RGS12: variants seen among roughly 807,000 people sequenced by gnomAD.
RGS12 encodes the protein regulator of G-protein signaling 12.
A neutral mutation model predicts 120.1 loss-of-function variants in RGS12; 66 were observed. The observed-to-expected ratio is 0.55, with a 90% CI of 0.45 to 0.67. The LOEUF (loss-of-function observed/expected upper bound fraction) is 0.67. Among genes scored for constraint, RGS12 ranks in the 30% least tolerant of loss-of-function variants. The pLI is 0.00. For missense variants in RGS12, 1,859 were observed against 1,957.7 expected (o/e 0.95, Z 0.95); for synonymous variants, 827 against 804.7 (o/e 1.03, Z -0.47).
upstream of RGS12, among the ~76,000 whole-genome samples, chr4:3,292,519 G>A (rs1197917902): frequency 3.9e-5 from 6 of 152,332 alleles, no homozygotes; most frequent in East Asian, 1.2e-3. Context: ...CAGGGCGCCG[G>A]GGCCTGACTC....
At chr4:3,438,837 C>T (rs991972970) in intron 17 of RGS12, among the ~76,000 whole-genome samples, 2 of 151,982 alleles carry the variant, frequency 1.3e-5, no homozygotes, top group African/African-American at 4.8e-5. Context: ...AGAGGGGCCT[C>T]AGTAGGGGGG....
intron 2 of RGS12, among the ~76,000 whole-genome samples, chr4:3,340,784 G>GGCCAA (rs1712993988): frequency 6.6e-6 from 1 of 152,240 alleles, no homozygotes; most frequent in South Asian, 2.1e-4. Context: ...GTGCAGGCCA[G>GGCCAA]TGCAGTCCGT....
At chr4:3,326,546 G>A (rs1725567008) in intron 2 of RGS12, among the ~76,000 whole-genome samples, 2 of 152,310 alleles carry the variant, frequency 1.3e-5, no homozygotes, top group African/African-American at 2.4e-5. Context: ...CTGGCTAGAT[G>A]TGATCTTATA....
chr4:3,339,306 A>T (rs1712806671), intron 2 of RGS12, among the ~76,000 whole-genome samples: 1 of 152,118 alleles, frequency 6.6e-6, no homozygotes, highest in Admixed American at 6.5e-5. Flanking sequence ...ACATAGCAAG[A>T]CCCAGTCTCT....
chr4:3,386,381 T>C, intron 3 of RGS12, 35 bp from the exon 4 acceptor site: 1 of 1,606,178 alleles, frequency 6.2e-7, no homozygotes, highest in Non-Finnish European at 8.5e-7. Flanking sequence ...GTCATGAGGC[T>C]TAATTAACTC....
At chr4:3,368,469 G>A in intron 3 of RGS12, among the ~76,000 whole-genome samples, 1 of 130,014 alleles carries the variant, frequency 7.7e-6, no homozygotes, top group African/African-American at 2.9e-5. Context: ...CTTTGTGTGT[G>A]GGGGTGCCTG....
rs555977194 is a variant in RGS12 at position 3,366,926 on chromosome 4, A to G, written c.1999-19490A>G. Among the ~76,000 whole-genome samples the G allele has an allele frequency of 6.6e-6, 1 of 152,264 alleles. No individual in the cohort carries two copies. The highest frequency in any genetic ancestry group is 1.9e-4 in the East Asian group (1 of 5,182). ...CAGGCCTCTCCTGGCCCCAGGACAT[A>G]GCCCACGTGGGTCCTCACCTCTGCC... On this transcript the variant is annotated intron_variant, in intron 3 of 17. Transcript: ENST00000336727. The surrounding 1 kb of genome is among the most constrained non-coding windows in gnomAD (Gnocchi z 4.0).
At chr4:3,356,806 T>C (rs1714936891) in intron 3 of RGS12, among the ~76,000 whole-genome samples, 1 of 152,186 alleles carries the variant, frequency 6.6e-6, no homozygotes, top group African/African-American at 2.4e-5. Context: ...TGATAGACAC[T>C]TGTGTTGCTT....
intron 3 of RGS12, among the ~76,000 whole-genome samples, chr4:3,368,239 G>A (rs117285662): frequency 6.6e-6 from 1 of 152,286 alleles, no homozygotes; most frequent in East Asian, 1.9e-4. Flanking sequence ...TGAGGTTAAC[G>A]GGCAGGTCAG....
At chr4:3,420,123 C>T (rs1275911606) in intron 9 of RGS12, among the ~76,000 whole-genome samples, 4 of 152,194 alleles carry the variant, frequency 2.6e-5, no homozygotes, top group Admixed American at 6.5e-5. Context: ...CACTTCATTA[C>T]GGTTCATGTC....
intron 4 of RGS12, among the ~76,000 whole-genome samples, chr4:3,392,294 G>A (rs575275903): frequency 6.6e-6 from 1 of 152,072 alleles, no homozygotes; most frequent in Non-Finnish European, 1.5e-5. Flanking sequence ...CCTTATTGTC[G>A]GTTTTCAGCA....
intron 1 of RGS12, among the ~76,000 whole-genome samples, chr4:3,308,387 G>A (rs950136269): frequency 6.6e-6 from 1 of 152,150 alleles, no homozygotes. Context: ...TTGGCTCGGC[G>A]CTCCTCTTGC....
chr4:3,382,481 C>G (rs975629467), intron 3 of RGS12, among the ~76,000 whole-genome samples: 30 of 152,196 alleles, frequency 2.0e-4, no homozygotes, highest in African/African-American at 6.8e-4. Flanking sequence ...GTCTTGATTC[C>G]TGTGACCACC....
At chr4:3,371,756 G>A (rs527887969) in intron 3 of RGS12, among the ~76,000 whole-genome samples, 1 of 152,316 alleles carries the variant, frequency 6.6e-6, no homozygotes, top group East Asian at 1.9e-4. Context: ...CGGCAGAATT[G>A]CTTCTCCTTC....
At chr4:3,373,683 C>T (rs1015744818) in intron 3 of RGS12, among the ~76,000 whole-genome samples, 12 of 152,168 alleles carry the variant, frequency 7.9e-5, no homozygotes, top group Non-Finnish European at 1.3e-4. Flanking sequence ...GGCCTCTGCC[C>T]GCCTGTGTCC....
intron 3 of RGS12, among the ~76,000 whole-genome samples, chr4:3,360,577 A>T (rs1715458940): frequency 6.6e-6 from 1 of 152,130 alleles, no homozygotes. Flanking sequence ...TTTTCATTTT[A>T]ATTTGTCTCA....
At chr4:3,396,643 G>C (rs1338569135) in intron 4 of RGS12, among the ~76,000 whole-genome samples, 1 of 152,250 alleles carries the variant, frequency 6.6e-6, no homozygotes, top group African/African-American at 2.4e-5. Context: ...ATTGGATCAG[G>C]ACTTCATGTC....
At chr4:3,301,992 A>AT (rs11285490) in intron 1 of RGS12, among the ~76,000 whole-genome samples, 1,534 of 147,966 alleles carry the variant, frequency 0.01, 14 homozygotes, top group Middle Eastern at 0.021. Context: ...GGTATCCTGT[A>AT]TTTTTTTTTT....
At chr4:3,354,230 G>A (rs1049373494) in intron 3 of RGS12, among the ~76,000 whole-genome samples, 2 of 152,200 alleles carry the variant, frequency 1.3e-5, no homozygotes, top group African/African-American at 2.4e-5. Context: ...GAAGCCTGGT[G>A]GAGCTGAGAA....
Sources: allele counts gnomAD v4.1 joint callset (sites outside exome capture counted in the v4.1 genomes callset), GRCh38; gene constraint gnomAD v4.1.1; non-coding constraint Gnocchi (gnomAD v3.1); transcripts MANE v1.5; gene names NCBI Gene and HGNC (gene_info 2026-07-23, HGNC 2026-07-21).